Variants in SEMA5B observed in about 807,000 individuals in gnomAD.
SEMA5B encodes the protein semaphorin 5B, also known as semaphorin-5B.
In SEMA5B, 66 loss-of-function variants were observed where a neutral mutation model predicts 135.0. That is an observed-to-expected ratio of 0.49 (90% CI 0.40 to 0.60). The LOEUF is 0.60. Among genes scored for constraint, SEMA5B ranks in the 20% least tolerant of loss-of-function variants. The probability of loss-of-function intolerance (pLI) is 0.00; values close to 1 mark genes in which losing one functional copy is unlikely to be tolerated. For synonymous variants in SEMA5B, 690 were observed against 639.5 expected (o/e 1.08, Z -1.19); for missense variants, 1,501 against 1,566.3 (o/e 0.96, Z 0.70).
At position 122,913,356 on chromosome 3, in the gene SEMA5B, C is replaced by A; in HGVS notation, c.2349G>T (p.Leu783=). 6.3e-7 allele frequency: 1 copy of A among 1,582,590 alleles called. No homozygotes were observed. The highest frequency in any genetic ancestry group is 8.5e-7 in the Non-Finnish European group (1 of 1,171,140). The part of the protein sequence containing the change: ...VRRNTPWTPW[L]PVNVTQGGAR... ...CCCCGCCCTGCGTCACGTTCACGGGCAGCCACGGCGTCCAGGGGGTGTTGC... is the reference window on the plus strand; with the variant it reads ...CCCCGCCCTGCGTCACGTTCACGGGAAGCCACGGCGTCCAGGGGGTGTTGC... The change falls in exon 17 of 23, where the codon CTG becomes CTT. Residue 783 remains leucine (L), a synonymous_variant. Coordinates refer to ENST00000357599, the MANE Select transcript of SEMA5B (RefSeq NM_001031702.4).
At chr3:123,021,731 C>T (rs761923312) in intron 1 of SEMA5B, among the ~76,000 whole-genome samples, 2 of 152,170 alleles carry the variant, frequency 1.3e-5, no homozygotes, top group Non-Finnish European at 2.9e-5. Flanking sequence ...AACGAAACTG[C>T]GGACAGAACT....
rs189537026 is a variant in SEMA5B at position 122,953,958 on chromosome 3, C to T, written c.125-5249G>A. 2.9e-4 allele frequency among the ~76,000 whole-genome samples: 44 copies of T among 152,326 alleles called. No homozygotes were observed. The East Asian group carries it at 5.4e-3, about 19-fold the overall frequency. On this transcript the variant is annotated intron_variant, in intron 2 of 22. Coordinates refer to ENST00000357599, the MANE Select transcript of SEMA5B (RefSeq NM_001031702.4). Reference sequence around the variant, plus strand: ...TCAAAACAGACAATTCAGGTCTCTCCCACAGCAATGTGGGTGTGTGAACCC... The same window carrying T: ...TCAAAACAGACAATTCAGGTCTCTCTCACAGCAATGTGGGTGTGTGAACCC...
intron 2 of SEMA5B, among the ~76,000 whole-genome samples, chr3:122,953,860 G>T (rs191901250): frequency 1.2e-4 from 19 of 152,230 alleles, no homozygotes; most frequent in Non-Finnish European, 2.1e-4. Flanking sequence ...AAAGGGGTAG[G>T]CCCCAGCAGC....
At chr3:122,998,930 G>C (rs1234198449) in intron 1 of SEMA5B, among the ~76,000 whole-genome samples, 1 of 152,160 alleles carries the variant, frequency 6.6e-6, no homozygotes, top group East Asian at 1.9e-4. Context: ...TTTGAGGGTG[G>C]GAAGACAACT....
intron 2 of SEMA5B, among the ~76,000 whole-genome samples, chr3:122,951,597 G>T (rs1443061622): frequency 6.6e-6 from 1 of 152,170 alleles, no homozygotes; most frequent in Admixed American, 6.5e-5. Flanking sequence ...TCTCGCAAAG[G>T]TCTCTAACCC....
At chr3:122,919,556 G>T (rs1262821174) in intron 12 of SEMA5B, among the ~76,000 whole-genome samples, 2 of 152,264 alleles carry the variant, frequency 1.3e-5, no homozygotes, top group Admixed American at 6.5e-5. Context: ...GTTTTGGAAG[G>T]CATGAGGGAA....
At chr3:123,014,718 C>G (rs1942514893) in intron 1 of SEMA5B, among the ~76,000 whole-genome samples, 1 of 152,164 alleles carries the variant, frequency 6.6e-6, no homozygotes, top group South Asian at 2.1e-4. Context: ...TCCGAAATAT[C>G]TTCATCAGCT....
At chr3:122,978,917 A>G (rs973438875) in intron 1 of SEMA5B, among the ~76,000 whole-genome samples, 1 of 151,870 alleles carries the variant, frequency 6.6e-6, no homozygotes, top group African/African-American at 2.4e-5. Context: ...CTTCTGTGCA[A>G]CCTCAAATGT....
At chr3:123,015,686 A>C (rs1198380927) in intron 1 of SEMA5B, among the ~76,000 whole-genome samples, 1 of 152,192 alleles carries the variant, frequency 6.6e-6, no homozygotes, top group Non-Finnish European at 1.5e-5. Flanking sequence ...AGAGAAATAA[A>C]ATAATTATAT....
chr3:122,967,038 C>A (rs1229157351), intron 1 of SEMA5B, among the ~76,000 whole-genome samples: 2 of 151,786 alleles, frequency 1.3e-5, no homozygotes, highest in South Asian at 4.2e-4. Flanking sequence ...GCGCCCGCCA[C>A]CACATCCGGT....
chr3:122,937,283 C>G (rs1221589496), intron 5 of SEMA5B, among the ~76,000 whole-genome samples: 1 of 152,188 alleles, frequency 6.6e-6, no homozygotes, highest in East Asian at 1.9e-4. Flanking sequence ...AGGGCACTGG[C>G]AGGGCAACCC....
At chr3:123,013,502 C>T (rs991795687) in intron 1 of SEMA5B, among the ~76,000 whole-genome samples, 1 of 152,166 alleles carries the variant, frequency 6.6e-6, no homozygotes, top group Non-Finnish European at 1.5e-5. Flanking sequence ...GTATGATGGC[C>T]ATTTTACATA....
At chr3:122,915,325 G>T in intron 14 of SEMA5B, 115 bp downstream of exon 14, 1 of 1,008,544 alleles carries the variant, frequency 9.9e-7, no homozygotes. Context: ...CCCTAGCACA[G>T]CCCTGAAGTG....
intron 1 of SEMA5B, among the ~76,000 whole-genome samples, chr3:122,983,775 T>C (rs1318087956): frequency 2.1e-5 from 3 of 144,362 alleles, no homozygotes; most frequent in Non-Finnish European, 3.0e-5. Context: ...GCTACTGATG[T>C]TTACCAAATT....
At chr3:122,953,173 A>G (rs565531072) in intron 2 of SEMA5B, among the ~76,000 whole-genome samples, 9 of 152,142 alleles carry the variant, frequency 5.9e-5, no homozygotes, top group Admixed American at 3.3e-4. Context: ...AGCCCCTAAG[A>G]ACAGCCAAGG....
At chr3:123,012,561 G>A (rs574928143) in intron 1 of SEMA5B, among the ~76,000 whole-genome samples, 3 of 152,302 alleles carry the variant, frequency 2.0e-5, no homozygotes, top group South Asian at 2.1e-4. Flanking sequence ...AGTAGAAACC[G>A]CTGCAGACAG....
chr3:122,939,286 C>T (rs1002549418), intron 5 of SEMA5B, 139 bp downstream of exon 5: 2 of 701,008 alleles, frequency 2.9e-6, no homozygotes, highest in Non-Finnish European at 5.1e-6. Flanking sequence ...GGGTCTGAGT[C>T]CATGGCCAGT....
chr3:123,000,348 G>A (rs1295428304), intron 1 of SEMA5B, among the ~76,000 whole-genome samples: 2 of 152,186 alleles, frequency 1.3e-5, no homozygotes, highest in Non-Finnish European at 2.9e-5. Flanking sequence ...CAAACCCTGG[G>A]CAAAGGTTCT....
intron 9 of SEMA5B, among the ~76,000 whole-genome samples, chr3:122,925,404 C>T (rs547375165): frequency 6.6e-6 from 1 of 152,182 alleles, no homozygotes; most frequent in Non-Finnish European, 1.5e-5. Flanking sequence ...CGTGGTGGCT[C>T]ACACCTGTAA....
Sources: gnomAD v4.1 joint callset for allele counts (sites outside exome capture counted in the v4.1 genomes callset) on GRCh38, gnomAD v4.1.1 for gene constraint, MANE v1.5 for transcripts, NCBI Gene and HGNC (gene_info 2026-07-23, HGNC 2026-07-21) for gene names.